Variants in POF1B observed in about 807,000 individuals in gnomAD.
The protein encoded by POF1B is protein POF1B.
Under a neutral mutation model 55.3 loss-of-function variants are expected in POF1B, and 53 were observed. The ratio of observed to expected loss-of-function variants is 0.96; its 90% confidence interval spans 0.77 to 1.20. The LOEUF is 1.20. Among genes scored for constraint, POF1B ranks in the 50% most tolerant of loss-of-function variants. The pLI is 0.00. For synonymous variants in POF1B, 188 were observed against 148.3 expected (o/e 1.27, Z -1.95); for missense variants, 478 against 420.5 (o/e 1.14, Z -1.20).
chrX:85,285,199 G>C (rs1032070864), intron 15 of POF1B, among the ~76,000 whole-genome samples: 3 of 111,576 alleles, frequency 2.7e-5, no homozygotes, highest in Admixed American at 9.5e-5. Context: ...TTACACCGTT[G>C]GCAGGACTGT....
At chrX:85,288,017 G>T (rs187309108) in intron 15 of POF1B, among the ~76,000 whole-genome samples, 3 of 111,635 alleles carry the variant, frequency 2.7e-5, no homozygotes, top group African/African-American at 6.5e-5. Flanking sequence ...TAAGAATGGA[G>T]AAGTAAGGAG....
chrX:85,298,697 C>T (rs1056500408), intron 15 of POF1B, among the ~76,000 whole-genome samples: 4 of 111,702 alleles, frequency 3.6e-5, no homozygotes, highest in African/African-American at 6.5e-5. Context: ...GCCATCTTGT[C>T]CCTCTCTCCA....
chrX:85,321,915 C>T (rs1347182359), intron 7 of POF1B, among the ~76,000 whole-genome samples: 4 of 107,898 alleles, frequency 3.7e-5, no homozygotes, highest in Non-Finnish European at 5.8e-5. Context: ...CAAGGAGAAC[C>T]ACAAACCACT....
At chrX:85,345,299 G>T (rs1481283842) in intron 6 of POF1B, among the ~76,000 whole-genome samples, 1 of 111,130 alleles carries the variant, frequency 9.0e-6, no homozygotes, top group Non-Finnish European at 1.9e-5. Context: ...ACCAAGAATT[G>T]TATTACATGA....
intron 6 of POF1B, among the ~76,000 whole-genome samples, chrX:85,331,585 G>A (rs906582813): frequency 9.0e-6 from 1 of 111,041 alleles, no homozygotes; most frequent in Admixed American, 9.6e-5. Context: ...TCTTCATGGT[G>A]AGAACATTTA....
chrX:85,354,671 A>T (rs903253522), intron 4 of POF1B, among the ~76,000 whole-genome samples: 5 of 110,839 alleles, frequency 4.5e-5, no homozygotes, highest in Non-Finnish European at 7.6e-5. Flanking sequence ...TAACAGACAA[A>T]CAGAGAGCCA....
rs530181514 is a variant in POF1B, at chrX:85,372,212, C to T, written c.283-4446G>A. ...ACAAAAAAATAGCCGGGTGTGGTGG[C>T]GGGCGCCTATATTCCCAGCTACTCA... On this transcript the variant is annotated intron_variant, in intron 2 of 16. Transcript: ENST00000262753. Among the ~76,000 whole-genome samples, 108 of 109,290 alleles carry T rather than the reference C, an allele frequency of 9.9e-4. No homozygotes were observed. The South Asian group carries it at 0.022, about 22-fold the overall frequency. The allele number at this position is 109,290 out of a possible 115,157, so 94.9% of individuals were successfully genotyped here.
intron 9 of POF1B, among the ~76,000 whole-genome samples, chrX:85,311,368 C>A (rs958311438): frequency 9.1e-6 from 1 of 109,951 alleles, no homozygotes; most frequent in Admixed American, 9.7e-5. Context: ...CCCCCCACCC[C>A]CTGACAGGCC....
intron 3 of POF1B, among the ~76,000 whole-genome samples, chrX:85,363,198 C>T (rs1352826433): frequency 9.0e-6 from 1 of 111,359 alleles, no homozygotes; most frequent in Non-Finnish European, 1.9e-5. Context: ...AGAAAACGAA[C>T]TCCTGGATTT....
At chrX:85,342,852 T>C (rs1321258960) in intron 6 of POF1B, among the ~76,000 whole-genome samples, 1 of 111,212 alleles carries the variant, frequency 9.0e-6, no homozygotes, top group Non-Finnish European at 1.9e-5. Context: ...GAGAACTCCC[T>C]CCTTTGTCCA....
chrX:85,285,479 G>T (rs1366421715), intron 15 of POF1B, among the ~76,000 whole-genome samples: 1 of 110,459 alleles, frequency 9.1e-6, no homozygotes, highest in African/African-American at 3.3e-5. Flanking sequence ...CCATAAAAAA[G>T]GATGAGTTCA....
At chrX:85,356,327 G>C (rs1251793878) in intron 4 of POF1B, among the ~76,000 whole-genome samples, 1 of 106,212 alleles carries the variant, frequency 9.4e-6, no homozygotes, top group East Asian at 3.0e-4. Flanking sequence ...AGGGAGGGGG[G>C]GATAGCATTA....
At chrX:85,333,362 T>C (rs1253483651) in intron 6 of POF1B, among the ~76,000 whole-genome samples, 2 of 111,481 alleles carry the variant, frequency 1.8e-5, no homozygotes, top group Non-Finnish European at 1.9e-5. Context: ...CAGATGTAAG[T>C]CTTGTTTTCT....
At chrX:85,368,765 A>G (rs893805307) in intron 2 of POF1B, among the ~76,000 whole-genome samples, 6 of 111,681 alleles carry the variant, frequency 5.4e-5, no homozygotes, top group African/African-American at 1.9e-4. Context: ...CATTGTTTAC[A>G]TATTTCCTCA....
At chrX:85,346,669 T>C (rs1339563492) in intron 5 of POF1B, among the ~76,000 whole-genome samples, 1 of 110,519 alleles carries the variant, frequency 9.0e-6, no homozygotes, top group Non-Finnish European at 1.9e-5. Context: ...ATTTTTCCCA[T>C]TTATAAAAGT....
rs759244249 is a variant in POF1B, at chrX:85,331,058, G to A, written c.745C>T (p.Pro249Ser). The A allele has an allele frequency of 1.7e-6, 2 of 1,204,806 alleles. No homozygotes were observed. Among genetic ancestry groups the A allele is most frequent in the East Asian group, 6.0e-5 (2 of 33,474 alleles). Residue 249 changes from proline (P) to serine (S), a missense_variant, in exon 7 of 17, where the codon CCT becomes TCT. Physicochemically the swap from Pro to Ser is moderately conservative, Grantham distance 74. Transcript: ENST00000262753. The stretch of plus-strand genomic sequence containing the variant: ...AAATATCTGGGGTCCAATTTTTCAG[G>A]GCCATCATCCTGAATTATCACCTGA... ...CEQVIIQDDG[P>S]EKLDPRYFGE... is the part of the protein sequence containing the mutation.
At chrX:85,329,157 A>G (rs1932937051) in intron 7 of POF1B, among the ~76,000 whole-genome samples, 1 of 111,867 alleles carries the variant, frequency 8.9e-6, no homozygotes, top group Non-Finnish European at 1.9e-5. Context: ...CTTCATCTGA[A>G]AGTTTGTAAG....
intron 15 of POF1B, among the ~76,000 whole-genome samples, chrX:85,299,992 A>G (rs1033875170): frequency 3.5e-5 from 4 of 112,739 alleles, no homozygotes; most frequent in Non-Finnish European, 7.5e-5. Context: ...CCAATTTGCA[A>G]ATCCTTTTTC....
At chrX:85,285,893 A>G (rs1319510865) in intron 15 of POF1B, among the ~76,000 whole-genome samples, 1 of 106,590 alleles carries the variant, frequency 9.4e-6, no homozygotes, top group Non-Finnish European at 1.9e-5. Flanking sequence ...TTTTAGACTT[A>G]AAAGGCCAAA....
Sources: gnomAD v4.1 joint callset for allele counts (sites outside exome capture counted in the v4.1 genomes callset) on GRCh38, gnomAD v4.1.1 for gene constraint, MANE v1.5 for transcripts, NCBI Gene and HGNC (gene_info 2026-07-23, HGNC 2026-07-21) for gene names.